MIPEP: variants seen among roughly 807,000 people sequenced by gnomAD.
The protein encoded by MIPEP is mitochondrial intermediate peptidase.
In MIPEP, 79 loss-of-function variants were observed where a neutral mutation model predicts 90.3. That is an observed-to-expected ratio of 0.87 (90% CI 0.73 to 1.05). The LOEUF is 1.05. MIPEP is among the 50% of genes least tolerant of loss of function. The probability of loss-of-function intolerance (pLI) is 0.00; values close to 1 mark genes in which losing one functional copy is unlikely to be tolerated. For missense variants in MIPEP, 940 were observed against 905.6 expected, an observed-to-expected ratio of 1.04 and a Z score of -0.49; for synonymous variants, 334 against 315.8, an observed-to-expected ratio of 1.06 and a Z score of -0.61.
chr13:23,841,101 CCTT>C lies in MIPEP; in HGVS notation c.1260+231_1260+233del, dbSNP rs1331195360. Among the ~76,000 whole-genome samples the C allele has an allele frequency of 2.6e-5, 4 of 152,154 alleles. 1 individual carries two copies. Among genetic ancestry groups the C allele is most frequent in the Admixed American group, 2.6e-4 (4 of 15,276 alleles). ...TATATGAAGGTGCATATATATTCAACCTTCTATCAAGTTCCAAAAAACTTTTTT... is the reference window on the plus strand; with the variant it reads ...TATATGAAGGTGCATATATATTCAACCTATCAAGTTCCAAAAAACTTTTTT... On this transcript the variant is annotated intron_variant, in intron 11 of 18. Coordinates refer to ENST00000382172, the MANE Select transcript of MIPEP (RefSeq NM_005932.4).
intron 18 of MIPEP, among the ~76,000 whole-genome samples, chr13:23,750,912 T>C (rs1952434450): frequency 6.6e-6 from 1 of 152,202 alleles, no homozygotes; most frequent in South Asian, 2.1e-4. Flanking sequence ...CGATGACACA[T>C]GCGCCCATCA....
chr13:23,795,076 G>C (rs139270107), intron 16 of MIPEP, among the ~76,000 whole-genome samples: 1 of 152,226 alleles, frequency 6.6e-6, no homozygotes, highest in East Asian at 1.9e-4. Context: ...TCTTTAACCT[G>C]ATGTTTGCTT....
intron 3 of MIPEP, among the ~76,000 whole-genome samples, chr13:23,879,689 C>T (rs187192078): frequency 1.2e-4 from 19 of 152,122 alleles, no homozygotes; most frequent in East Asian, 5.8e-4. Context: ...TACACCACCA[C>T]GCCCAGCTAA....
chr13:23,886,526 T>C lies in MIPEP; in HGVS notation c.190-20A>G, dbSNP rs1202234166. On this transcript the variant is annotated intron_variant, in intron 1 of 18. Transcript: ENST00000382172. ...AAGACCCTTAGAACCAAAGAATACG[T>C]CTGATTTATAACCAAAATTCAAAAT... 5.3e-6 allele frequency: 8 copies of C among 1,513,688 alleles called. No individual in the cohort carries two copies. In the African/African-American group the frequency reaches 8.5e-5, roughly 16 times the overall value. The allele number at this position is 1,513,688 out of a possible 1,614,324, so 93.8% of individuals were successfully genotyped here.
intron 18 of MIPEP, among the ~76,000 whole-genome samples, chr13:23,733,906 C>G (rs1485947772): frequency 6.6e-6 from 1 of 152,150 alleles, no homozygotes; most frequent in East Asian, 1.9e-4. Context: ...ACACAGTGTT[C>G]TTTTTTACAG....
rs188101302 is a variant in MIPEP, at chr13:23,877,837, G to A, written c.539+1431C>T. On this transcript the variant is annotated intron_variant, in intron 4 of 18. Transcript: ENST00000382172. ...ACACTCAATGATATCTAAGTGCCAC[G>A]ATACTGCAATAATTATTACTTCAAA... Among the ~76,000 whole-genome samples the A allele has an allele frequency of 2.2e-3, 332 of 152,222 alleles. 2 individuals carry two copies. The highest frequency in any genetic ancestry group is 7.7e-3 in the African/African-American group (318 of 41,542).
chr13:23,879,475 T>C, intron 3 of MIPEP, 121 bp from the exon 4 acceptor site: 7 of 608,664 alleles, frequency 1.2e-5, no homozygotes, highest in Non-Finnish European at 2.0e-5. Flanking sequence ...CAGCATAACC[T>C]ACCAGGAACA....
intron 18 of MIPEP, among the ~76,000 whole-genome samples, chr13:23,748,843 C>A (rs116368385): frequency 6.6e-6 from 1 of 152,212 alleles, no homozygotes; most frequent in Non-Finnish European, 1.5e-5. Flanking sequence ...GGCACAGATG[C>A]TGCTGGCTCA....
At chr13:23,808,341 C>T (rs974514415) in intron 15 of MIPEP, among the ~76,000 whole-genome samples, 17 of 152,082 alleles carry the variant, frequency 1.1e-4, no homozygotes, top group Non-Finnish European at 1.5e-4. Context: ...TCTCGTGATC[C>T]GCCCGCCTCG....
At chr13:23,760,386 C>T in intron 16 of MIPEP, 169 bp from the exon 17 acceptor site, 1 of 835,522 alleles carries the variant, frequency 1.2e-6, no homozygotes, top group African/African-American at 1.7e-5. Context: ...ATTTTATACA[C>T]TGTTAGGGCT....
chr13:23,759,868 T>A (rs570987863), intron 17 of MIPEP, among the ~76,000 whole-genome samples: 2 of 152,150 alleles, frequency 1.3e-5, no homozygotes, highest in South Asian at 4.2e-4. Context: ...CTCTACACAG[T>A]GGCTGCAGGG....
intron 2 of MIPEP, among the ~76,000 whole-genome samples, chr13:23,885,959 C>T (rs573637920): frequency 6.7e-6 from 1 of 148,694 alleles, no homozygotes; most frequent in African/African-American, 2.5e-5. Context: ...TAAATGTACA[C>T]ATAAAGTGTT....
intron 14 of MIPEP, among the ~76,000 whole-genome samples, chr13:23,812,473 C>A (rs1953185357): frequency 2.6e-5 from 1 of 37,986 alleles, no homozygotes; most frequent in Non-Finnish European, 5.2e-5. Context: ...CCCATCTCCA[C>A]CCTGAGAAAT....
chr13:23,875,010 G>C lies in MIPEP; in HGVS notation c.540-101C>G. On this transcript the variant is annotated intron_variant, in intron 4 of 18. Transcript: ENST00000382172. Reference sequence around the variant, plus strand: ...TAAATAAGTCTTTTTCAGCCTCACTGCCAAAAGTTTCTTCAAAACACACAC... The same window carrying C: ...TAAATAAGTCTTTTTCAGCCTCACTCCCAAAAGTTTCTTCAAAACACACAC... 3 of 732,066 alleles carry C rather than the reference G, an allele frequency of 4.1e-6. No homozygotes were observed. In the East Asian group the frequency reaches 8.8e-5, roughly 22 times the overall value. 45.3% of individuals were successfully genotyped at this position (732,066 alleles called of 1,614,324 possible).
chr13:23,862,983 T>C (rs1444718114), intron 8 of MIPEP, among the ~76,000 whole-genome samples: 1 of 152,218 alleles, frequency 6.6e-6, no homozygotes, highest in African/African-American at 2.4e-5. Context: ...TCTTTCTTTA[T>C]TGTATCAAAG....
chr13:23,868,703 G>C (rs1196744447), intron 7 of MIPEP, among the ~76,000 whole-genome samples: 1 of 152,036 alleles, frequency 6.6e-6, no homozygotes, highest in African/African-American at 2.4e-5. Context: ...GTTAATAAAT[G>C]CTTCTGAAAA....
chr13:23,779,282 C>A (rs187924675), intron 16 of MIPEP, among the ~76,000 whole-genome samples: 5 of 152,092 alleles, frequency 3.3e-5, no homozygotes, highest in Non-Finnish European at 5.9e-5. Context: ...ATGTAGAAAA[C>A]CCCGAAATTG....
chr13:23,869,881 A>T (rs930090697), intron 6 of MIPEP, 132 bp downstream of exon 6: 1 of 552,112 alleles, frequency 1.8e-6, no homozygotes, highest in East Asian at 3.2e-5. Flanking sequence ...TAATTCCACA[A>T]GTTAAATTTT....
At chr13:23,760,247 A>G (rs757925741) in intron 16 of MIPEP, 30 bp from the exon 17 acceptor site, 1 of 1,613,760 alleles carries the variant, frequency 6.2e-7, no homozygotes. Flanking sequence ...ACAGCACGGG[A>G]CACAAGTCAG....
Sources: gnomAD v4.1 joint callset for allele counts (sites outside exome capture counted in the v4.1 genomes callset) on GRCh38, gnomAD v4.1.1 for gene constraint, MANE v1.5 for transcripts, NCBI Gene and HGNC (gene_info 2026-07-23, HGNC 2026-07-21) for gene names.